PRDM16: variants seen among roughly 807,000 people sequenced by gnomAD.
PRDM16 encodes PR/SET domain 16.
Under a neutral mutation model 110.6 loss-of-function variants are expected in PRDM16, and 23 were observed. That is an observed-to-expected ratio of 0.21 (90% CI 0.15 to 0.29). PRDM16 has a LOEUF of 0.29. PRDM16 is among the 10% of genes least tolerant of loss of function. PRDM16 has a pLI of 1.00. For missense variants in PRDM16, 1,615 were observed against 1,794.3 expected, an observed-to-expected ratio of 0.90 and a Z score of 1.81; for synonymous variants, 799 against 781.8, an observed-to-expected ratio of 1.02 and a Z score of -0.37.
rs778284239 is a variant in PRDM16 at position 3,157,846 on chromosome 1, C to A, written c.38-28279C>A. Among the ~76,000 whole-genome samples the A allele has an allele frequency of 2.6e-5, 4 of 152,142 alleles. No homozygotes were observed. The highest frequency in any genetic ancestry group is 9.7e-5 in the African/African-American group (4 of 41,438). On this transcript the variant is annotated intron_variant, in intron 1 of 16. Transcript: ENST00000270722. This position sits in a 1 kb window ranked among gnomAD's most constrained non-coding sequence, Gnocchi z 4.8. ...GAGGCCATCTGGCCTCCCCCAGCACCGCCGGGCTGGATGCTTTAGCCCCAG... is the reference window on the plus strand; with the variant it reads ...GAGGCCATCTGGCCTCCCCCAGCACAGCCGGGCTGGATGCTTTAGCCCCAG...
At chr1:3,084,783 G>C (rs1290831645) in intron 1 of PRDM16, among the ~76,000 whole-genome samples, 1 of 152,176 alleles carries the variant, frequency 6.6e-6, no homozygotes, top group Non-Finnish European at 1.5e-5. Context: ...CACTGTTCTC[G>C]GGCGTCCCCC....
At chr1:3,132,663 A>G (rs1398886845) in intron 1 of PRDM16, among the ~76,000 whole-genome samples, 1 of 152,184 alleles carries the variant, frequency 6.6e-6, no homozygotes, top group East Asian at 1.9e-4. Flanking sequence ...CCCGGTTCAT[A>G]CTGTTGCCCG....
chr1:3,350,765 C>T lies in PRDM16; in HGVS notation c.439-34387C>T, dbSNP rs893664164. 2.0e-5 allele frequency among the ~76,000 whole-genome samples: 3 copies of T among 152,180 alleles called. No homozygotes were observed. The highest frequency in any genetic ancestry group is 4.4e-5 in the Non-Finnish European group (3 of 68,032). ...ACAAGAGCTTTGTGTCTGCCGACTT[C>T]TTCCCAATGCCGCGTCCAGTGTTTT... On this transcript the variant is annotated intron_variant, in intron 3 of 16. Transcript: ENST00000270722. This position sits in a 1 kb window ranked among gnomAD's most constrained non-coding sequence, Gnocchi z 7.1.
intron 1 of PRDM16, among the ~76,000 whole-genome samples, chr1:3,139,125 C>A (rs1643495527): frequency 6.6e-6 from 1 of 152,116 alleles, no homozygotes. Flanking sequence ...TAAACGCAGA[C>A]ACACGTGGAC....
At position 3,359,947 on chromosome 1, in the gene PRDM16, C is replaced by G. The variant is rs563627297; in HGVS notation, c.439-25205C>G. ...AGCCAGCTCCTCACAGAAGGCCGCC[C>G]GGCTCAGAACAGGTCCCTTCAGCCG... On this transcript the variant is annotated intron_variant, in intron 3 of 16. Coordinates refer to ENST00000270722, the MANE Select transcript of PRDM16 (RefSeq NM_022114.4). The surrounding 1 kb of genome is among the most constrained non-coding windows in gnomAD (Gnocchi z 4.3). 2.6e-5 allele frequency among the ~76,000 whole-genome samples: 4 copies of G among 152,342 alleles called. No homozygotes were observed. The highest frequency in any genetic ancestry group is 9.6e-5 in the African/African-American group (4 of 41,590).
chr1:3,211,362 G>T (rs1236746005), intron 2 of PRDM16, among the ~76,000 whole-genome samples: 7 of 152,244 alleles, frequency 4.6e-5, no homozygotes, highest in African/African-American at 1.7e-4. Flanking sequence ...CCACCTGAAA[G>T]TTGAGATATG....
chr1:3,187,313 G>A (rs539339555), intron 2 of PRDM16, among the ~76,000 whole-genome samples: 3 of 152,348 alleles, frequency 2.0e-5, no homozygotes, highest in Admixed American at 2.0e-4. Flanking sequence ...CCCCTGCCTG[G>A]GTGGAAAATG....
intron 1 of PRDM16, among the ~76,000 whole-genome samples, chr1:3,123,614 A>AG (rs1348240484): frequency 1.3e-5 from 2 of 152,222 alleles, no homozygotes; most frequent in Admixed American, 1.3e-4. Flanking sequence ...TGGAACTGGG[A>AG]GGGGGGGCAG....
intron 1 of PRDM16, among the ~76,000 whole-genome samples, chr1:3,162,693 G>C (rs989918786): frequency 6.6e-6 from 1 of 152,254 alleles, no homozygotes; most frequent in Admixed American, 6.5e-5. Context: ...GGAAAACGCG[G>C]AGCCAGGCTC....
At chr1:3,428,359 G>A (rs954509694) in intron 14 of PRDM16, among the ~76,000 whole-genome samples, 13 of 146,628 alleles carry the variant, frequency 8.9e-5, no homozygotes, top group Non-Finnish European at 1.5e-5. Context: ...GTCTCTAAGA[G>A]AAAGAGATGT....
At position 3,409,846 on chromosome 1, in the gene PRDM16, G is replaced by GTGCGTGTGTGT. The variant is rs57503175; in HGVS notation, c.1187-1538_1187-1537insTGCGTGTGTGT. Among the ~76,000 whole-genome samples, 218 of 121,020 alleles carry GTGCGTGTGTGT rather than the reference G, an allele frequency of 1.8e-3. 2 individuals carry two copies. The East Asian group carries it at 0.035, about 19-fold the overall frequency. The allele number at this position is 121,020 out of a possible 152,430, so 79.4% of individuals were successfully genotyped here. ...GTGGTTGTGTGTGGGTGTGTGGTGT[G>GTGCGTGTGTGT]GGTGTGTGTGTGGTGTTTGTGTGCA... On this transcript the variant is annotated intron_variant, in intron 8 of 16. Coordinates refer to ENST00000270722, the MANE Select transcript of PRDM16 (RefSeq NM_022114.4).
intron 1 of PRDM16, among the ~76,000 whole-genome samples, chr1:3,090,444 G>A (rs1467173990): frequency 4.6e-5 from 7 of 152,270 alleles, no homozygotes; most frequent in South Asian, 2.1e-4. Flanking sequence ...CTGAGCCTGC[G>A]CACACAGGCC....
rs1197619424 is a variant in PRDM16, at chr1:3,245,535, C to G, written c.438+1398C>G. On this transcript the variant is annotated intron_variant, in intron 3 of 16. Coordinates refer to ENST00000270722, the MANE Select transcript of PRDM16 (RefSeq NM_022114.4). This position sits in a 1 kb window ranked among gnomAD's most constrained non-coding sequence, Gnocchi z 4.7. Reference sequence around the variant, plus strand: ...GGGTGAACTGGTTCCCGTGTCCCTCCCCGTCGCTGGTGTGGCTGTGTCTGG... The same window carrying G: ...GGGTGAACTGGTTCCCGTGTCCCTCGCCGTCGCTGGTGTGGCTGTGTCTGG... 1.3e-5 allele frequency among the ~76,000 whole-genome samples: 2 copies of G among 152,190 alleles called. No homozygotes were observed. Among genetic ancestry groups the G allele is most frequent in the African/African-American group, 4.8e-5 (2 of 41,444 alleles).
chr1:3,395,462 C>A (rs1330338530), intron 4 of PRDM16, among the ~76,000 whole-genome samples: 6 of 152,196 alleles, frequency 3.9e-5, no homozygotes, highest in African/African-American at 1.4e-4. Flanking sequence ...CTCTCCCCAG[C>A]CTCACAGCCA....
In PRDM16 at chr1:3,079,872, T is replaced by A. The variant is rs566289121; in HGVS notation, c.37+10576T>A. Among the ~76,000 whole-genome samples the A allele has an allele frequency of 3.3e-5, 5 of 152,340 alleles. No individual in the cohort carries two copies. In the South Asian group the frequency reaches 1.0e-3, roughly 32 times the overall value. On this transcript the variant is annotated intron_variant, in intron 1 of 16. Coordinates refer to ENST00000270722, the MANE Select transcript of PRDM16 (RefSeq NM_022114.4). ...CGCCAAGCTACTCTGTTTTTGTTGA[T>A]CAGCAACATCGCACACTTCCCTGCC...
At chr1:3,291,016 C>T (rs1386304667) in intron 3 of PRDM16, among the ~76,000 whole-genome samples, 1 of 151,816 alleles carries the variant, frequency 6.6e-6, no homozygotes, top group African/African-American at 2.4e-5. Context: ...AGAGGCCATC[C>T]TTGTCTCCGG....
rs1188749464 is a variant in PRDM16, at chr1:3,069,627, C to T, written c.37+331C>T. 6.7e-6 allele frequency among the ~76,000 whole-genome samples: 1 copy of T among 150,206 alleles called. No homozygotes were observed. The highest frequency in any genetic ancestry group is 6.6e-5 in the Admixed American group (1 of 15,178). Reference sequence around the variant, plus strand: ...CGGGGAGGGGGGCGGAGGGGGAGGGCCGGGGGTGGAGGGGAGCGAAAAGTG... The same window carrying T: ...CGGGGAGGGGGGCGGAGGGGGAGGGTCGGGGGTGGAGGGGAGCGAAAAGTG... On this transcript the variant is annotated intron_variant, in intron 1 of 16. Transcript: ENST00000270722. This position sits in a 1 kb window ranked among gnomAD's most constrained non-coding sequence, Gnocchi z 6.1.
At chr1:3,431,775 G>A (rs890473030) in intron 15 of PRDM16, among the ~76,000 whole-genome samples, 191 bp from the exon 16 acceptor site, 4 of 152,246 alleles carry the variant, frequency 2.6e-5, no homozygotes, top group East Asian at 1.9e-4. Context: ...ACCTCTGTCC[G>A]TCACTCTCCT....
chr1:3,242,247 A>G (rs1166565079), intron 2 of PRDM16, among the ~76,000 whole-genome samples: 2 of 152,340 alleles, frequency 1.3e-5, no homozygotes, highest in South Asian at 2.1e-4. Context: ...CGCAAATGCC[A>G]GAGAGATACA....
Sources: allele counts gnomAD v4.1 joint callset (sites outside exome capture counted in the v4.1 genomes callset), GRCh38; gene constraint gnomAD v4.1.1; non-coding constraint Gnocchi (gnomAD v3.1); transcripts MANE v1.5; gene names NCBI Gene and HGNC (gene_info 2026-07-23, HGNC 2026-07-21).